Variants in ANKRD44 observed in about 807,000 individuals in gnomAD.
The protein encoded by ANKRD44 is ankyrin repeat domain 44.
ANKRD44 carries 35 observed loss-of-function variants against 116.0 expected under a neutral mutation model. That is an observed-to-expected ratio of 0.30 (90% CI 0.23 to 0.40). The LOEUF is 0.40. Among genes scored for constraint, ANKRD44 ranks in the 10% least tolerant of loss-of-function variants. The probability of loss-of-function intolerance (pLI) is 1.00; values close to 1 mark genes in which losing one functional copy is unlikely to be tolerated. For missense variants in ANKRD44, 1,014 were observed against 1,242.6 expected, an observed-to-expected ratio of 0.82 and a Z score of 2.77; for synonymous variants, 435 against 461.8, an observed-to-expected ratio of 0.94 and a Z score of 0.74.
At chr2:197,300,498 T>C (rs2083869317) in intron 1 of ANKRD44, among the ~76,000 whole-genome samples, 1 of 152,222 alleles carries the variant, frequency 6.6e-6, no homozygotes, top group African/African-American at 2.4e-5. Flanking sequence ...CTGCACTATA[T>C]GTGGATTGAT....
rs564965993 is a variant in ANKRD44, at chr2:197,136,982, A to G, written c.191-320T>C. On this transcript the variant is annotated intron_variant, in intron 3 of 27. Transcript: ENST00000282272. ...ATGGGGTAGGCAGATAGGCTCAAGC[A>G]TGAGCCAAAACCAGCTCACACTCAG... is the stretch of plus-strand genomic sequence containing the variant. 8.5e-5 allele frequency among the ~76,000 whole-genome samples: 13 copies of G among 152,336 alleles called. No homozygotes were observed. In the South Asian group the frequency reaches 2.5e-3, roughly 29 times the overall value.
At chr2:197,239,921 G>C (rs2082055088) in intron 1 of ANKRD44, among the ~76,000 whole-genome samples, 1 of 152,082 alleles carries the variant, frequency 6.6e-6, no homozygotes, top group Non-Finnish European at 1.5e-5. Flanking sequence ...CTTCAACGTA[G>C]ATTTTCAATC....
intron 14 of ANKRD44, 43 bp from the exon 15 acceptor site, chr2:197,081,768 T>C: frequency 1.3e-6 from 2 of 1,493,886 alleles, no homozygotes; most frequent in Non-Finnish European, 1.9e-6. Flanking sequence ...CAATTAATTT[T>C]TTAAATGGCA....
intron 2 of ANKRD44, among the ~76,000 whole-genome samples, chr2:197,164,324 G>C (rs2080048274): frequency 6.6e-6 from 1 of 152,196 alleles, no homozygotes; most frequent in African/African-American, 2.4e-5. Context: ...GGCAGCACAA[G>C]GTCAAAGGTG....
At chr2:197,300,853 T>A (rs937716028) in intron 1 of ANKRD44, 1 of 144,580 alleles carries the variant, frequency 6.9e-6, no homozygotes, top group Non-Finnish European at 1.5e-5. Context: ...AACCTCGTCC[T>A]CCCAGGTTCA....
intron 1 of ANKRD44, among the ~76,000 whole-genome samples, chr2:197,230,675 T>C (rs1028074697): frequency 1.3e-5 from 2 of 152,172 alleles, no homozygotes; most frequent in Non-Finnish European, 2.9e-5. Context: ...TTCCCCTTCA[T>C]CTCCGTAGTA....
At chr2:197,232,898 C>T (rs1039784164) in intron 1 of ANKRD44, among the ~76,000 whole-genome samples, 1 of 152,150 alleles carries the variant, frequency 6.6e-6, no homozygotes, top group African/African-American at 2.4e-5. Context: ...AAAACACAAC[C>T]TCATATTTGT....
In ANKRD44 at chr2:196,995,386, G is replaced by A. The variant is rs1215112944; in HGVS notation, c.2824C>T (p.Leu942=). Residue 942 remains leucine (L), a synonymous_variant, in exon 26 of 28, where the codon CTG becomes TTG. Coordinates refer to ENST00000282272, the MANE Select transcript of ANKRD44 (RefSeq NM_001195144.2). ...ESLINEKNNA[L]QTPLHVAARN... ...TTTAGTAGTTACACTTACGTCTGCA[G>A]TGCATTATTTTTTTCATTAATAAGG... 2 of 1,611,034 alleles carry A rather than the reference G, an allele frequency of 1.2e-6. No individual in the cohort carries two copies. Among genetic ancestry groups the A allele is most frequent in the African/African-American group, 1.3e-5 (1 of 74,942 alleles).
At chr2:197,195,464 CT>C (rs932591491) in intron 1 of ANKRD44, among the ~76,000 whole-genome samples, 3 of 152,186 alleles carry the variant, frequency 2.0e-5, no homozygotes, top group African/African-American at 7.2e-5. Context: ...ACTTTCCCAT[CT>C]TTTTTTTAAT....
intron 2 of ANKRD44, 55 bp downstream of exon 2, chr2:197,186,968 C>G: frequency 1.3e-6 from 2 of 1,483,562 alleles, no homozygotes; most frequent in Non-Finnish European, 1.9e-6. Flanking sequence ...GGTTAAGAGT[C>G]CTTTCCTGCT....
downstream of ANKRD44, among the ~76,000 whole-genome samples, chr2:196,984,883 T>C (rs773968357): frequency 1.3e-5 from 2 of 152,248 alleles, no homozygotes; most frequent in Non-Finnish European, 2.9e-5. Context: ...GTAATTGCTG[T>C]TCCTGCTGTT....
chr2:197,031,554 G>GA (rs1490850267), intron 16 of ANKRD44, among the ~76,000 whole-genome samples: 1 of 152,082 alleles, frequency 6.6e-6, no homozygotes, highest in Non-Finnish European at 1.5e-5. Context: ...TTTCTATTTG[G>GA]AAAAAAGCTA....
At chr2:196,970,558 T>C (rs972584198) in intron 21 of ANKRD44, among the ~76,000 whole-genome samples, 2 of 152,310 alleles carry the variant, frequency 1.3e-5, no homozygotes, top group East Asian at 3.9e-4. Context: ...CTGAACAGTA[T>C]TAACATAGCA....
intron 9 of ANKRD44, among the ~76,000 whole-genome samples, chr2:197,106,791 A>AAT (rs564262926): frequency 0.029 from 3,680 of 127,320 alleles, 87 homozygotes; most frequent in East Asian, 0.084. Flanking sequence ...CTCCGTCTCA[A>AAT]ATATATATAT....
At chr2:197,009,719 C>T (rs1354825386) in intron 18 of ANKRD44, among the ~76,000 whole-genome samples, 1 of 152,178 alleles carries the variant, frequency 6.6e-6, no homozygotes, top group South Asian at 2.1e-4. Flanking sequence ...ATTGTTGCCG[C>T]TGGATCCCCC....
intron 16 of ANKRD44, among the ~76,000 whole-genome samples, chr2:197,051,299 C>T (rs940686448): frequency 1.3e-5 from 2 of 152,160 alleles, no homozygotes; most frequent in Non-Finnish European, 2.9e-5. Context: ...ATGACTCACA[C>T]ACAATAGAGC....
chr2:197,253,093 TTTTG>T (rs1156796271), intron 1 of ANKRD44, among the ~76,000 whole-genome samples: 4 of 152,192 alleles, frequency 2.6e-5, no homozygotes, highest in Non-Finnish European at 4.4e-5. Flanking sequence ...GTGATAGTGG[TTTTG>T]TTTGTTTATT....
At chr2:197,301,547 C>T (rs2105912243) in intron 1 of ANKRD44, 1 of 152,250 alleles carries the variant, frequency 6.6e-6, no homozygotes, top group South Asian at 2.1e-4. Context: ...GATCTTTTAT[C>T]TTTTCATAGG....
chr2:196,988,273 A>G lies in ANKRD44; in HGVS notation c.*1318T>C. The G allele has an allele frequency of 1.0e-6, 1 of 985,478 alleles. No individual in the cohort carries two copies. Among genetic ancestry groups the G allele is most frequent in the Non-Finnish European group, 1.2e-6 (1 of 829,934 alleles). 61.0% of individuals were successfully genotyped at this position (985,478 alleles called of 1,614,324 possible). ...CACTTCTAGAAAAAGACACCGCAGC[A>G]TATTGTGCTTCTTCAACACTGAACC... On this transcript the variant is annotated 3_prime_UTR_variant, in exon 28 of 28. Coordinates refer to ENST00000282272, the MANE Select transcript of ANKRD44 (RefSeq NM_001195144.2).
Sources: allele counts gnomAD v4.1 joint callset (sites outside exome capture counted in the v4.1 genomes callset), GRCh38; gene constraint gnomAD v4.1.1; transcripts MANE v1.5; gene names NCBI Gene and HGNC (gene_info 2026-07-23, HGNC 2026-07-21).